The following NRXN1 variants were observed in gnomAD, a reference collection of about 807,000 sequenced individuals.
The protein encoded by NRXN1 is neurexin-1.
A neutral mutation model predicts 150.9 loss-of-function variants in NRXN1; 39 were observed. The ratio of observed to expected loss-of-function variants is 0.26; its 90% CI spans 0.20 to 0.34. NRXN1 has a LOEUF of 0.34. NRXN1 is among the 10% of genes least tolerant of loss of function. The pLI is 1.00. For missense variants in NRXN1, 1,815 were observed against 1,949.9 expected, an observed-to-expected ratio of 0.93 and a Z score of 1.30; for synonymous variants, 924 against 757.0, an observed-to-expected ratio of 1.22 and a Z score of -3.62.
intron 21 of NRXN1, among the ~76,000 whole-genome samples, chr2:49,978,895 A>G (rs1679485930): frequency 6.6e-6 from 1 of 152,188 alleles, no homozygotes; most frequent in Admixed American, 6.6e-5. Context: ...TTTGTTTTAA[A>G]TTTTAAGTGA....
At chr2:49,984,004 A>AT (rs1680460255) in intron 21 of NRXN1, among the ~76,000 whole-genome samples, 3 of 113,592 alleles carry the variant, frequency 2.6e-5, no homozygotes, top group South Asian at 6.4e-4. Context: ...TTCTACTAAA[A>AT]TTAAAAAAAA....
chr2:50,009,489 T>C (rs1478103432), intron 21 of NRXN1, among the ~76,000 whole-genome samples: 5 of 152,150 alleles, frequency 3.3e-5, no homozygotes, highest in Non-Finnish European at 7.4e-5. Flanking sequence ...TCAGAGCAAA[T>C]ACAAGCTGTC....
chr2:50,465,104 T>C (rs1266265129), intron 17 of NRXN1, among the ~76,000 whole-genome samples: 1 of 151,790 alleles, frequency 6.6e-6, no homozygotes, highest in Non-Finnish European at 1.5e-5. Flanking sequence ...TGAAATTAAG[T>C]ATTATTTAAT....
intron 17 of NRXN1, among the ~76,000 whole-genome samples, chr2:50,336,877 GAAGATA>G (rs1469818451): frequency 2.6e-5 from 4 of 151,984 alleles, no homozygotes; most frequent in Non-Finnish European, 4.4e-5. Flanking sequence ...AAACTAATTG[GAAGATA>G]AAGATAAGGC....
intron 5 of NRXN1, among the ~76,000 whole-genome samples, chr2:50,862,229 A>C (rs1446250841): frequency 1.3e-5 from 2 of 151,784 alleles, no homozygotes; most frequent in Admixed American, 1.3e-4. Flanking sequence ...AATTCATGCT[A>C]GTATAGTAGG....
chr2:50,284,233 G>C (rs991916569), intron 17 of NRXN1, among the ~76,000 whole-genome samples: 2 of 152,160 alleles, frequency 1.3e-5, no homozygotes, highest in Non-Finnish European at 2.9e-5. Context: ...TTCCTTAAAA[G>C]TGGTATTTCT....
intron 17 of NRXN1, among the ~76,000 whole-genome samples, chr2:50,391,483 T>G (rs998969969): frequency 2.0e-5 from 3 of 152,292 alleles, no homozygotes; most frequent in Admixed American, 6.5e-5. Flanking sequence ...ACATTACATT[T>G]GAAATACAAT....
intron 17 of NRXN1, among the ~76,000 whole-genome samples, chr2:50,253,340 G>A (rs957730362): frequency 1.6e-4 from 24 of 152,114 alleles, no homozygotes; most frequent in African/African-American, 5.8e-4. Flanking sequence ...CTAAATATAG[G>A]ATCATGTCGT....
intron 21 of NRXN1, among the ~76,000 whole-genome samples, chr2:50,016,164 T>C (rs375042439): frequency 3.9e-5 from 6 of 152,030 alleles, no homozygotes; most frequent in Non-Finnish European, 8.8e-5. Context: ...TGCAACTAGG[T>C]AGGTAAAGTC....
chr2:50,007,120 A>C (rs763111191), intron 21 of NRXN1, among the ~76,000 whole-genome samples: 18 of 152,108 alleles, frequency 1.2e-4, no homozygotes, highest in Non-Finnish European at 1.0e-4. Context: ...AGGTGGGAGA[A>C]TCACTTGAGG....
chr2:50,351,817 C>T lies in NRXN1; in HGVS notation c.3364+113625G>A, dbSNP rs77485105. 8.3e-3 allele frequency among the ~76,000 whole-genome samples: 1,261 copies of T among 152,208 alleles called. 41 individuals carry two copies. In the East Asian group the frequency reaches 0.11, roughly 14 times the overall value. On this transcript the variant is annotated intron_variant, in intron 17 of 22. Transcript: ENST00000401669. ...TGAGGTGGGTGCTGTCGTTGAAATA[C>T]TGTCATATTTGCTTCAGGAAAACCA...
At chr2:50,802,901 C>G (rs895060155) in intron 5 of NRXN1, among the ~76,000 whole-genome samples, 13 of 152,242 alleles carry the variant, frequency 8.5e-5, no homozygotes, top group African/African-American at 1.4e-4. Context: ...CCACCAGATA[C>G]TAGGAAGACA....
intron 21 of NRXN1, among the ~76,000 whole-genome samples, chr2:49,947,649 A>C (rs1673192300): frequency 6.6e-6 from 1 of 151,272 alleles, no homozygotes; most frequent in Non-Finnish European, 1.5e-5. Flanking sequence ...GGAATGAGCT[A>C]CCACACAATG....
chr2:50,965,235 T>A (rs1693874355), intron 2 of NRXN1, among the ~76,000 whole-genome samples: 1 of 151,432 alleles, frequency 6.6e-6, no homozygotes, highest in Non-Finnish European at 1.5e-5. Flanking sequence ...ATTGCAGCTA[T>A]TTTTATCTCA....
chr2:51,025,909 A>G (rs1028336583), intron 2 of NRXN1, among the ~76,000 whole-genome samples: 2 of 152,206 alleles, frequency 1.3e-5, no homozygotes, highest in Admixed American at 6.5e-5. Context: ...ATAATGAAAA[A>G]CAAAAACCCA....
rs960407487 is a variant in NRXN1, at chr2:50,005,332, T to C, written c.4128+47939A>G. 3.9e-5 allele frequency among the ~76,000 whole-genome samples: 6 copies of C among 152,282 alleles called. No homozygotes were observed. The South Asian group carries it at 1.0e-3, about 26-fold the overall frequency. Reference sequence around the variant, plus strand: ...GCAGATTATTTTTAAAGAAGCGATATAGACTTTTCTGCAAATGTTAAAAAT... The same window carrying C: ...GCAGATTATTTTTAAAGAAGCGATACAGACTTTTCTGCAAATGTTAAAAAT... On this transcript the variant is annotated intron_variant, in intron 21 of 22. Coordinates refer to ENST00000401669, the MANE Select transcript of NRXN1 (RefSeq NM_001330078.2).
chr2:49,986,600 T>C (rs1349482484), intron 21 of NRXN1, among the ~76,000 whole-genome samples: 1 of 152,198 alleles, frequency 6.6e-6, no homozygotes, highest in Admixed American at 6.5e-5. Context: ...AGTTTTTTCT[T>C]TTTTTGTTGA....
intron 8 of NRXN1, among the ~76,000 whole-genome samples, chr2:50,554,679 T>C (rs1198973067): frequency 6.6e-6 from 1 of 152,202 alleles, no homozygotes; most frequent in African/African-American, 2.4e-5. Flanking sequence ...CAGATTTTAA[T>C]TCTAAATTTA....
At chr2:50,802,177 T>A (rs1707686300) in intron 5 of NRXN1, among the ~76,000 whole-genome samples, 1 of 152,142 alleles carries the variant, frequency 6.6e-6, no homozygotes, top group Non-Finnish European at 1.5e-5. Flanking sequence ...CCTCAGTGCC[T>A]CAGAATGTGA....
Sources: gnomAD v4.1 joint callset for allele counts (sites outside exome capture counted in the v4.1 genomes callset) on GRCh38, gnomAD v4.1.1 for gene constraint, MANE v1.5 for transcripts, NCBI Gene and HGNC (gene_info 2026-07-23, HGNC 2026-07-21) for gene names.